RFX4: variants seen among roughly 807,000 people sequenced by gnomAD.
RFX4 encodes the protein transcription factor RFX4.
In RFX4, 10 loss-of-function variants were observed where a neutral mutation model predicts 95.0. That is an observed-to-expected ratio of 0.11 (90% CI 0.06 to 0.18). RFX4 has a LOEUF of 0.18. Among genes scored for constraint, RFX4 ranks in the 10% least tolerant of loss-of-function variants. The pLI is 1.00. For synonymous variants in RFX4, 321 were observed against 340.7 expected, an observed-to-expected ratio of 0.94 and a Z score of 0.64; for missense variants, 640 against 922.0, an observed-to-expected ratio of 0.69 and a Z score of 3.96.
At chr12:106,758,382 T>G (rs756552271) in intron 17 of RFX4, among the ~76,000 whole-genome samples, 20 of 152,226 alleles carry the variant, frequency 1.3e-4, no homozygotes, top group Non-Finnish European at 2.5e-4. Context: ...CTGGATTCTG[T>G]GGTAACAGAA....
In RFX4 at chr12:106,690,892, C is replaced by T. The variant is rs1180253128; in HGVS notation, c.669+1528C>T. ...CCAACAACAAAACTAGTGGCAGTCC[C>T]CCCTTATGTTCATATGTAGCTTAGT... On this transcript the variant is annotated intron_variant, in intron 7 of 17. Coordinates refer to ENST00000392842, the MANE Select transcript of RFX4 (RefSeq NM_213594.3). Among the ~76,000 whole-genome samples the T allele has an allele frequency of 2.0e-5, 3 of 152,196 alleles. No individual in the cohort carries two copies. In the East Asian group the frequency reaches 5.8e-4, roughly 29 times the overall value.
At chr12:106,669,839 G>GGTGTGTGTGTGTGT (rs60975691) in intron 4 of RFX4, among the ~76,000 whole-genome samples, 5 of 143,156 alleles carry the variant, frequency 3.5e-5, no homozygotes, top group South Asian at 2.3e-4. Flanking sequence ...TTTTTCTAGG[G>GGTGTGTGTGTGTGT]GTGTGTGTGT....
intron 4 of RFX4, 69 bp from the exon 5 acceptor site, chr12:106,681,923 AT>A: frequency 2.0e-6 from 3 of 1,534,578 alleles, no homozygotes; most frequent in Non-Finnish European, 2.7e-6. Context: ...GTAGATGGCT[AT>A]TTGTAAAACT....
chr12:106,646,286 T>C (rs2040742099), intron 3 of RFX4, among the ~76,000 whole-genome samples: 1 of 151,792 alleles, frequency 6.6e-6, no homozygotes. Flanking sequence ...TAGCTTCTGG[T>C]AGGGGATGGT....
intron 2 of RFX4, among the ~76,000 whole-genome samples, chr12:106,628,900 C>T (rs1175832903): frequency 1.3e-5 from 2 of 151,764 alleles, no homozygotes; most frequent in African/African-American, 4.8e-5. Flanking sequence ...GCTAGGATTA[C>T]AGGCATGCAC....
At position 106,715,563 on chromosome 12, in the gene RFX4, G is replaced by T; in HGVS notation, c.1138+19G>T. On this transcript the variant is annotated intron_variant, in intron 11 of 17. Coordinates refer to ENST00000392842, the MANE Select transcript of RFX4 (RefSeq NM_213594.3). ...ACCCAATGTAAGCTGTCCCACCAGGGATTGTTGTCCTGTTTTTATTTTTAA... is the reference window on the plus strand; with the variant it reads ...ACCCAATGTAAGCTGTCCCACCAGGTATTGTTGTCCTGTTTTTATTTTTAA... 1 of 1,610,180 alleles carries T rather than the reference G, an allele frequency of 6.2e-7. No individual in the cohort carries two copies. Among genetic ancestry groups the T allele is most frequent in the Non-Finnish European group, 8.5e-7 (1 of 1,177,562 alleles).
chr12:106,597,115 A>C (rs891816395), intron 1 of RFX4, among the ~76,000 whole-genome samples: 1 of 152,096 alleles, frequency 6.6e-6, no homozygotes, highest in African/African-American at 2.4e-5. Context: ...CCTTTCCTCC[A>C]CTTCTATTGA....
chr12:106,695,293 T>C (rs893580509), intron 7 of RFX4, among the ~76,000 whole-genome samples: 3 of 152,240 alleles, frequency 2.0e-5, no homozygotes, highest in Non-Finnish European at 2.9e-5. Flanking sequence ...CAACTGAAGA[T>C]GTGCTGCAGA....
chr12:106,635,717 C>T (rs2040498592), intron 2 of RFX4, among the ~76,000 whole-genome samples: 1 of 152,102 alleles, frequency 6.6e-6, no homozygotes, highest in Non-Finnish European at 1.5e-5. Flanking sequence ...TTTAGATGTC[C>T]CTCAGTATTA....
chr12:106,674,512 G>A (rs2041353817), intron 4 of RFX4, among the ~76,000 whole-genome samples: 2 of 151,936 alleles, frequency 1.3e-5, no homozygotes, highest in African/African-American at 4.8e-5. Flanking sequence ...CGTATTTTTA[G>A]TAGAGACGGG....
intron 4 of RFX4, 139 bp downstream of exon 4, chr12:106,654,490 C>T: frequency 1.1e-6 from 1 of 917,688 alleles, no homozygotes; most frequent in Non-Finnish European, 1.6e-6. Context: ...ACTTCAACTT[C>T]ACTGTAATAC....
chr12:106,603,951 A>G (rs183965031), intron 1 of RFX4, among the ~76,000 whole-genome samples: 72 of 152,226 alleles, frequency 4.7e-4, no homozygotes, highest in Non-Finnish European at 8.4e-4. Flanking sequence ...TGCGACATCT[A>G]TGGAGCCAGC....
intron 3 of RFX4, among the ~76,000 whole-genome samples, chr12:106,641,114 T>C (rs2040614395): frequency 6.6e-6 from 1 of 152,174 alleles, no homozygotes. Flanking sequence ...CCTGAACATG[T>C]CATATGTTTC....
intron 1 of RFX4, among the ~76,000 whole-genome samples, chr12:106,594,116 T>C (rs2039582509): frequency 6.6e-6 from 1 of 152,228 alleles, no homozygotes; most frequent in Non-Finnish European, 1.5e-5. Context: ...TTTACTTTTA[T>C]TTCTTTTACT....
At chr12:106,687,441 C>T (rs2041682952) in intron 6 of RFX4, among the ~76,000 whole-genome samples, 1 of 151,116 alleles carries the variant, frequency 6.6e-6, no homozygotes, top group South Asian at 2.1e-4. Context: ...GTAATTCCAG[C>T]TGGAGGCTGA....
At chr12:106,600,465 C>G (rs902529299) in intron 1 of RFX4, among the ~76,000 whole-genome samples, 2 of 152,108 alleles carry the variant, frequency 1.3e-5, no homozygotes, top group Non-Finnish European at 1.5e-5. Flanking sequence ...ACACTAAACT[C>G]TAATCTTCCA....
intron 4 of RFX4, among the ~76,000 whole-genome samples, chr12:106,679,155 G>C (rs1046394220): frequency 6.6e-6 from 1 of 152,146 alleles, no homozygotes; most frequent in Admixed American, 6.6e-5. Flanking sequence ...AATAACAGAG[G>C]GTTAAACATG....
intron 2 of RFX4, among the ~76,000 whole-genome samples, chr12:106,638,068 T>G (rs2040549673): frequency 6.6e-6 from 1 of 151,992 alleles, no homozygotes; most frequent in African/African-American, 2.4e-5. Flanking sequence ...AGTGCAGTGC[T>G]GTGATCTTGG....
intron 4 of RFX4, among the ~76,000 whole-genome samples, chr12:106,665,350 C>T (rs1401878646): frequency 4.0e-5 from 6 of 151,798 alleles, no homozygotes; most frequent in African/African-American, 1.2e-4. Flanking sequence ...TTTTCTCCAT[C>T]CATTTACTTT....
Sources: allele counts gnomAD v4.1 joint callset (sites outside exome capture counted in the v4.1 genomes callset), GRCh38; gene constraint gnomAD v4.1.1; transcripts MANE v1.5; gene names NCBI Gene and HGNC (gene_info 2026-07-23, HGNC 2026-07-21).